The following PTPRO variants were observed in gnomAD, a reference collection of about 807,000 sequenced individuals.
PTPRO encodes receptor-type tyrosine-protein phosphatase O.
PTPRO carries 62 observed loss-of-function variants against 145.2 expected under a neutral mutation model. The ratio of observed to expected loss-of-function variants is 0.43; its 90% CI spans 0.35 to 0.53. The LOEUF (loss-of-function observed/expected upper bound fraction) is 0.53, where lower values mean the gene tolerates loss of function less well. Among genes scored for constraint, PTPRO ranks in the 20% least tolerant of loss-of-function variants. The pLI, the probability that PTPRO is intolerant of heterozygous loss-of-function variation, is 0.01. For missense variants in PTPRO, 1,345 were observed against 1,482.7 expected, an observed-to-expected ratio of 0.91 and a Z score of 1.53; for synonymous variants, 565 against 514.7, an observed-to-expected ratio of 1.10 and a Z score of -1.32.
At chr12:15,516,518 A>AAAGAAAGAAAAAG (rs1555172014) in intron 8 of PTPRO, among the ~76,000 whole-genome samples, 8 of 135,194 alleles carry the variant, frequency 5.9e-5, no homozygotes, top group African/African-American at 2.2e-4. Context: ...AGAAAGAAAG[A>AAAGAAAGAAAAAG]AAAAGAAAAG....
chr12:15,455,364 T>TG (rs758643750), intron 1 of PTPRO, among the ~76,000 whole-genome samples: 15 of 151,666 alleles, frequency 9.9e-5, no homozygotes, highest in East Asian at 1.9e-4. Flanking sequence ...AGGTTTTTCC[T>TG]GAGTTTTTTC....
chr12:15,506,043 C>G (rs1404202472), intron 6 of PTPRO, among the ~76,000 whole-genome samples: 3 of 152,128 alleles, frequency 2.0e-5, no homozygotes, highest in Non-Finnish European at 4.4e-5. Context: ...GATTATAACT[C>G]AGGAATATTT....
intron 1 of PTPRO, among the ~76,000 whole-genome samples, chr12:15,353,371 C>G (rs936559868): frequency 6.6e-6 from 1 of 151,554 alleles, no homozygotes; most frequent in Non-Finnish European, 1.5e-5. Flanking sequence ...TTAGTCTGTC[C>G]CTAAAGAACT....
At chr12:15,346,661 T>G (rs1217522695) in intron 1 of PTPRO, 1 of 152,152 alleles carries the variant, frequency 6.6e-6, no homozygotes, top group Non-Finnish European at 1.5e-5. Flanking sequence ...ATTGTGATGA[T>G]TAATGAAAGA....
At chr12:15,415,570 G>C (rs1225516512) in intron 1 of PTPRO, among the ~76,000 whole-genome samples, 1 of 151,382 alleles carries the variant, frequency 6.6e-6, no homozygotes, top group African/African-American at 2.4e-5. Flanking sequence ...ATTTTTAGTA[G>C]AGACGGGGTT....
chr12:15,463,206 A>G (rs1319761059), intron 1 of PTPRO, among the ~76,000 whole-genome samples: 1 of 152,178 alleles, frequency 6.6e-6, no homozygotes, highest in Non-Finnish European at 1.5e-5. Context: ...TAATATTCTT[A>G]GAAATTACTC....
chr12:15,500,271 C>G (rs1194294900), intron 4 of PTPRO, among the ~76,000 whole-genome samples: 1 of 152,166 alleles, frequency 6.6e-6, no homozygotes, highest in African/African-American at 2.4e-5. Context: ...TGATAGATTA[C>G]TTCTAAGGTC....
chr12:15,504,625 AG>A (rs1390949972), intron 6 of PTPRO, among the ~76,000 whole-genome samples: 2 of 152,158 alleles, frequency 1.3e-5, no homozygotes, highest in African/African-American at 4.8e-5. Context: ...TAGCCTCTGA[AG>A]GTTGCACAAA....
Position 15,458,612 on chromosome 12 carries a change from T to C in PTPRO, c.76-25362T>C, listed in dbSNP as rs1941233676. 4.0e-5 allele frequency among the ~76,000 whole-genome samples: 6 copies of C among 151,640 alleles called. No homozygotes were observed. The South Asian group carries it at 1.2e-3, about 32-fold the overall frequency. On this transcript the variant is annotated intron_variant, in intron 1 of 26. Transcript: ENST00000281171. ...TTTGCTGATCCTTTCTTCTGCTTGATCTAGTCTGCTGTTGAATCCCTCTAG... is the reference window on the plus strand; with the variant it reads ...TTTGCTGATCCTTTCTTCTGCTTGACCTAGTCTGCTGTTGAATCCCTCTAG...
Position 15,497,249 on chromosome 12 carries a change from T to G in PTPRO, c.354T>G (p.Pro118=). Residue 118 remains proline (P), a synonymous_variant, in exon 3 of 27, where the codon CCT becomes CCG. Coordinates refer to ENST00000281171, the MANE Select transcript of PTPRO (RefSeq NM_030667.3). ...PSRSITVLTK[P]LPVTSVSIYD... ...CCATTTACTTCACTTCTGTAGAACC[T>G]CTACCTGTAACCAGTGTTTCCATAT... 6.4e-7 allele frequency: 1 copy of G among 1,567,080 alleles called. No homozygotes were observed. Among genetic ancestry groups the G allele is most frequent in the Non-Finnish European group, 8.8e-7 (1 of 1,137,996 alleles).
At chr12:15,460,923 C>A (rs973123598) in intron 1 of PTPRO, among the ~76,000 whole-genome samples, 1 of 152,070 alleles carries the variant, frequency 6.6e-6, no homozygotes. Context: ...CCTTGTAAAC[C>A]AAAAATAAAA....
At chr12:15,541,022 A>T (rs749016899) in intron 12 of PTPRO, among the ~76,000 whole-genome samples, 1 of 152,214 alleles carries the variant, frequency 6.6e-6, no homozygotes, top group Non-Finnish European at 1.5e-5. Context: ...AAAAGCAAAC[A>T]ACCCTATATC....
chr12:15,489,955 A>G (rs764197962), intron 2 of PTPRO, among the ~76,000 whole-genome samples: 2 of 152,252 alleles, frequency 1.3e-5, no homozygotes, highest in Non-Finnish European at 2.9e-5. Context: ...ATAGCATGGC[A>G]CACTTGATGA....
intron 23 of PTPRO, among the ~76,000 whole-genome samples, chr12:15,583,616 C>T (rs889343279): frequency 1.3e-5 from 2 of 152,158 alleles, no homozygotes; most frequent in Non-Finnish European, 2.9e-5. Context: ...GCATTGTTGA[C>T]GAATTGTCTA....
chr12:15,522,737 T>G (rs1252118151), intron 10 of PTPRO, among the ~76,000 whole-genome samples: 2 of 152,154 alleles, frequency 1.3e-5, no homozygotes, highest in Non-Finnish European at 2.9e-5. Flanking sequence ...TCATAGTAAT[T>G]ATGCGGAGGG....
At chr12:15,592,595 T>C (rs1944576502) in intron 25 of PTPRO, among the ~76,000 whole-genome samples, 1 of 152,176 alleles carries the variant, frequency 6.6e-6, no homozygotes, top group Non-Finnish European at 1.5e-5. Flanking sequence ...CATAGACTTC[T>C]TCACGCAAGT....
chr12:15,458,810 A>G (rs1941238563), intron 1 of PTPRO, among the ~76,000 whole-genome samples: 1 of 152,094 alleles, frequency 6.6e-6, no homozygotes, highest in Admixed American at 6.6e-5. Flanking sequence ...CATCAGAGAC[A>G]TAATATATCT....
intron 6 of PTPRO, among the ~76,000 whole-genome samples, chr12:15,505,363 A>G (rs540422941): frequency 3.9e-5 from 6 of 152,262 alleles, no homozygotes; most frequent in African/African-American, 9.6e-5. Context: ...TACTGTTTGC[A>G]TATTTATTCA....
At chr12:15,374,209 TGAA>T (rs1938614563) in intron 1 of PTPRO, among the ~76,000 whole-genome samples, 4 of 152,112 alleles carry the variant, frequency 2.6e-5, no homozygotes. Flanking sequence ...ACTGGGTCAC[TGAA>T]ATACTGGGAA....
Sources: gnomAD v4.1 joint callset for allele counts (sites outside exome capture counted in the v4.1 genomes callset) on GRCh38, gnomAD v4.1.1 for gene constraint, MANE v1.5 for transcripts, NCBI Gene and HGNC (gene_info 2026-07-23, HGNC 2026-07-21) for gene names.